Variants in CHSY3 observed in about 807,000 individuals in gnomAD.
The protein encoded by CHSY3 is chondroitin sulfate synthase 3, also known as N-acetylgalactosaminyl-proteoglycan 3-beta-glucuronosyltransferase 3.
In CHSY3, 35 loss-of-function variants were observed where a neutral mutation model predicts 67.2. That is an observed-to-expected ratio of 0.52 (90% confidence interval 0.40 to 0.69). The LOEUF is 0.69. Ranked by LOEUF, CHSY3 falls within the 30% of genes least tolerant of loss-of-function variation. The pLI is 0.00. For missense variants in CHSY3, 1,069 were observed against 1,138.5 expected (o/e 0.94, Z 0.88); for synonymous variants, 474 against 434.7 (o/e 1.09, Z -1.12).
At chr5:130,010,888 A>C (rs1367442482) in intron 2 of CHSY3, among the ~76,000 whole-genome samples, 2 of 152,018 alleles carry the variant, frequency 1.3e-5, no homozygotes, top group South Asian at 2.1e-4. Context: ...AAAATGGATA[A>C]ATTCCTGGAA....
chr5:130,133,810 A>AG (rs1561552347), intron 2 of CHSY3, among the ~76,000 whole-genome samples: 1 of 134,904 alleles, frequency 7.4e-6, no homozygotes, highest in South Asian at 2.5e-4. Context: ...AAAAAAAAAA[A>AG]GGCTGTCAAC....
intron 2 of CHSY3, among the ~76,000 whole-genome samples, chr5:129,976,543 A>AGTCATCC (rs1299333017): frequency 6.6e-6 from 1 of 152,140 alleles, no homozygotes; most frequent in African/African-American, 2.4e-5. Flanking sequence ...AAAGGGAATG[A>AGTCATCC]CTGAATGAAG....
At chr5:130,148,460 T>G (rs1453673195) in intron 2 of CHSY3, among the ~76,000 whole-genome samples, 2 of 152,212 alleles carry the variant, frequency 1.3e-5, no homozygotes, top group African/African-American at 4.8e-5. Flanking sequence ...AGGTCTCTGA[T>G]GAATCACCAC....
rs150183148 is a variant in CHSY3 at position 130,137,396 on chromosome 5, C to T, written c.1087-46833C>T. On this transcript the variant is annotated intron_variant, in intron 2 of 2. Transcript: ENST00000305031. ...GTTTTCTCTTTTCTAACTAAATATT[C>T]GAATATTTTCAGTATATCTTCTTGG... is the stretch of plus-strand genomic sequence containing the variant. Among the ~76,000 whole-genome samples, 1,499 of 152,080 alleles carry T rather than the reference C, an allele frequency of 9.9e-3. 31 individuals carry two copies. The highest frequency in any genetic ancestry group is 0.034 in the African/African-American group (1,420 of 41,486).
intron 2 of CHSY3, among the ~76,000 whole-genome samples, chr5:130,109,127 A>G (rs1330477694): frequency 2.6e-5 from 4 of 151,772 alleles, no homozygotes; most frequent in Admixed American, 2.0e-4. Context: ...GAAAGAGACA[A>G]TAATTTGTGA....
intron 2 of CHSY3, among the ~76,000 whole-genome samples, chr5:129,933,952 C>T (rs570557943): frequency 3.3e-5 from 5 of 152,190 alleles, no homozygotes; most frequent in Admixed American, 3.3e-4. Flanking sequence ...CTTAAAATTT[C>T]AGTGTTGGTT....
At chr5:129,940,906 TTGA>T (rs1761676798) in intron 2 of CHSY3, among the ~76,000 whole-genome samples, 1 of 152,150 alleles carries the variant, frequency 6.6e-6, no homozygotes, top group Admixed American at 6.5e-5. Flanking sequence ...TCTGGACGCA[TTGA>T]AGGTAGACTA....
intron 2 of CHSY3, among the ~76,000 whole-genome samples, chr5:129,956,783 G>C (rs529918844): frequency 2.0e-4 from 31 of 151,852 alleles, no homozygotes; most frequent in Non-Finnish European, 3.7e-4. Flanking sequence ...TAGGTTTGCA[G>C]CATTATTTCT....
At chr5:130,008,230 C>T (rs1580643286) in intron 2 of CHSY3, among the ~76,000 whole-genome samples, 1 of 152,036 alleles carries the variant, frequency 6.6e-6, no homozygotes, top group African/African-American at 2.4e-5. Flanking sequence ...ACCCCCCATA[C>T]CCCCCATTGG....
At chr5:129,926,459 G>A (rs1054745343) in intron 2 of CHSY3, among the ~76,000 whole-genome samples, 1 of 151,916 alleles carries the variant, frequency 6.6e-6, no homozygotes, top group Non-Finnish European at 1.5e-5. Flanking sequence ...CAGACTGAGA[G>A]CAGCATAACC....
chr5:129,988,068 A>G (rs1423462039), intron 2 of CHSY3, among the ~76,000 whole-genome samples: 1 of 152,228 alleles, frequency 6.6e-6, no homozygotes, highest in Non-Finnish European at 1.5e-5. Context: ...AAATGAATGC[A>G]TAGGACACTT....
chr5:129,935,394 C>T lies in CHSY3; in HGVS notation c.1086+27034C>T, dbSNP rs73241704. On this transcript the variant is annotated intron_variant, in intron 2 of 2. Transcript: ENST00000305031. ...CGCTACAGGGCCTTACCTCAGAACA[C>T]TCATGTTCTTCTGCCAAATAAATAA... 9.5e-3 allele frequency among the ~76,000 whole-genome samples: 1,453 copies of T among 152,278 alleles called. 22 individuals are homozygous for T. Among genetic ancestry groups the T allele is most frequent in the African/African-American group, 0.033 (1,386 of 41,558 alleles).
chr5:130,054,328 A>G (rs1056597577), intron 2 of CHSY3, among the ~76,000 whole-genome samples: 1 of 152,134 alleles, frequency 6.6e-6, no homozygotes, highest in African/African-American at 2.4e-5. Flanking sequence ...ACTTAATCTA[A>G]ATTTTTGAGA....
At chr5:129,951,324 G>C (rs1236115933) in intron 2 of CHSY3, among the ~76,000 whole-genome samples, 6 of 152,100 alleles carry the variant, frequency 3.9e-5, no homozygotes, top group Admixed American at 1.3e-4. Context: ...GCCCCATGAC[G>C]TTGGTCTTGG....
intron 2 of CHSY3, among the ~76,000 whole-genome samples, chr5:129,945,905 T>C (rs951956354): frequency 6.6e-6 from 1 of 152,132 alleles, no homozygotes; most frequent in Non-Finnish European, 1.5e-5. Flanking sequence ...CTTTTTTCTC[T>C]TTTTTTTATT....
rs139893449 is a variant in CHSY3 at position 129,918,741 on chromosome 5, T to C, written c.1086+10381T>C. Among the ~76,000 whole-genome samples, 892 of 152,010 alleles carry C rather than the reference T, an allele frequency of 5.9e-3. 3 individuals carry two copies. The highest frequency in any genetic ancestry group is 0.01 in the Middle Eastern group (3 of 294). ...CCCAAAAGCTGTAGTTAGAATCCAA[T>C]TGTGAAAGGCTTTTTATGTAATATT... On this transcript the variant is annotated intron_variant, in intron 2 of 2. Coordinates refer to ENST00000305031, the MANE Select transcript of CHSY3 (RefSeq NM_175856.5).
At chr5:129,917,078 T>A (rs1329043686) in intron 2 of CHSY3, among the ~76,000 whole-genome samples, 2 of 152,228 alleles carry the variant, frequency 1.3e-5, no homozygotes, top group African/African-American at 4.8e-5. Context: ...ATTTTATGCC[T>A]GTTGAATCAC....
At chr5:129,945,227 A>G (rs10036904) in intron 2 of CHSY3, among the ~76,000 whole-genome samples, 74,455 of 152,074 alleles carry the variant, frequency 0.49, 18,992 homozygotes, top group Middle Eastern at 0.6. Context: ...GAAGATGGAC[A>G]TTAGGAAACT....
At chr5:130,053,085 A>T (rs571282390) in intron 2 of CHSY3, among the ~76,000 whole-genome samples, 1 of 152,152 alleles carries the variant, frequency 6.6e-6, no homozygotes, top group Non-Finnish European at 1.5e-5. Context: ...AAGATTAGAC[A>T]TGGCTCAATA....
Sources: allele counts gnomAD v4.1 joint callset (sites outside exome capture counted in the v4.1 genomes callset), GRCh38; gene constraint gnomAD v4.1.1; transcripts MANE v1.5; gene names NCBI Gene and HGNC (gene_info 2026-07-23, HGNC 2026-07-21).